DSTYK: variants seen among roughly 807,000 people sequenced by gnomAD.
DSTYK encodes the protein RIP-homologous kinase.
In DSTYK, 34 loss-of-function variants were observed where a neutral mutation model predicts 98.7. That is an observed-to-expected ratio of 0.34 (90% CI 0.26 to 0.46). The LOEUF is 0.46. DSTYK is among the 20% of genes least tolerant of loss of function. The pLI is 1.00. For missense variants in DSTYK, 962 were observed against 1,181.7 expected, an observed-to-expected ratio of 0.81 and a Z score of 2.73; for synonymous variants, 462 against 457.3, an observed-to-expected ratio of 1.01 and a Z score of -0.13.
At chr1:205,195,107 G>T (rs1372504323) in intron 1 of DSTYK, among the ~76,000 whole-genome samples, 2 of 141,214 alleles carry the variant, frequency 1.4e-5, no homozygotes, top group African/African-American at 4.9e-5. Context: ...GATTACAGGT[G>T]TGAGCCACCA....
intron 2 of DSTYK, among the ~76,000 whole-genome samples, chr1:205,185,793 G>A (rs1487529458): frequency 6.6e-6 from 1 of 152,186 alleles, no homozygotes; most frequent in Non-Finnish European, 1.5e-5. Context: ...GGAGGTTGAG[G>A]TGGGTGGATC....
intron 2 of DSTYK, among the ~76,000 whole-genome samples, chr1:205,182,649 T>C (rs1327405891): frequency 1.3e-5 from 2 of 149,638 alleles, no homozygotes; most frequent in Non-Finnish European, 3.0e-5. Flanking sequence ...CTACCAAAAG[T>C]ACAAAAATTA....
At chr1:205,161,429 A>G in intron 6 of DSTYK, 42 bp from the exon 7 acceptor site, 1 of 1,605,452 alleles carries the variant, frequency 6.2e-7, no homozygotes, top group Non-Finnish European at 8.5e-7. Context: ...TTAAGTCCCT[A>G]GCTTCAGCTT....
intron 1 of DSTYK, among the ~76,000 whole-genome samples, chr1:205,190,759 C>G (rs1319580093): frequency 1.3e-5 from 2 of 152,108 alleles, no homozygotes; most frequent in Non-Finnish European, 2.9e-5. Flanking sequence ...TTCTTCTATT[C>G]CCTGTCCTCC....
rs1460705314 is a variant in DSTYK at position 205,211,683 on chromosome 1, C to A, written c.-148G>T. 1.6e-5 allele frequency: 18 copies of A among 1,136,900 alleles called. No homozygotes were observed. Among genetic ancestry groups the A allele is most frequent in the Non-Finnish European group, 1.1e-5 (9 of 847,278 alleles). The allele number at this position is 1,136,900 out of a possible 1,614,324, so 70.4% of individuals were successfully genotyped here. On this transcript the variant is annotated 5_prime_UTR_variant, in exon 1 of 13. Coordinates refer to ENST00000367162, the MANE Select transcript of DSTYK (RefSeq NM_015375.3). Reference sequence around the variant, plus strand: ...CCTGGCTCCCAACCTCCGTCACTGCCGTTGCAAACAAACCAAACCGCAGTG... The same window carrying A: ...CCTGGCTCCCAACCTCCGTCACTGCAGTTGCAAACAAACCAAACCGCAGTG...
At position 205,144,291 on chromosome 1, in the gene DSTYK, CA is replaced by C. The variant is rs1657156884; in HGVS notation, c.*3266del. The C allele has an allele frequency of 6.6e-6, 1 of 152,558 alleles. No individual in the cohort carries two copies. The highest frequency in any genetic ancestry group is 2.1e-4 in the South Asian group (1 of 4,834). The allele number at this position is 152,558 out of a possible 1,614,324, so 9.5% of individuals were successfully genotyped here. A position where few individuals can be genotyped will look rare whatever the true frequency, so the allele number is the denominator to read the frequency against. On this transcript the variant is annotated 3_prime_UTR_variant, in exon 13 of 13. Coordinates refer to ENST00000367162, the MANE Select transcript of DSTYK (RefSeq NM_015375.3). ...TTATGTTGATTAGAAGGACAGACCA[CA>C]ATAAGGGTCATTCTTTCATGCCATC...
intron 2 of DSTYK, among the ~76,000 whole-genome samples, chr1:205,176,038 C>T (rs1344010282): frequency 2.6e-5 from 4 of 152,172 alleles, no homozygotes; most frequent in African/African-American, 9.7e-5. Flanking sequence ...AAAAGAATCT[C>T]AAGGAATCAT....
At chr1:205,179,699 T>C (rs1658340936) in intron 2 of DSTYK, among the ~76,000 whole-genome samples, 1 of 151,598 alleles carries the variant, frequency 6.6e-6, no homozygotes, top group African/African-American at 2.4e-5. Flanking sequence ...TTAAGAAGTA[T>C]ATGCTGGTTA....
chr1:205,184,215 T>C (rs1284594718), intron 2 of DSTYK, among the ~76,000 whole-genome samples: 1 of 151,906 alleles, frequency 6.6e-6, no homozygotes, highest in Non-Finnish European at 1.5e-5. Context: ...ACTTTCCTTT[T>C]TGTGACTTTC....
Position 205,211,543 on chromosome 1 carries a change from G to A in DSTYK, c.-8C>T, listed in dbSNP as rs903196868. ...CACCCCGTCGCCCTCCATCGCCTCT[G>A]CCCGCTCTGTCTTTGCGGCTCGGTC... On this transcript the variant is annotated 5_prime_UTR_variant, in exon 1 of 13. Transcript: ENST00000367162. 2.0e-6 allele frequency: 3 copies of A among 1,509,790 alleles called. No homozygotes were observed. The highest frequency in any genetic ancestry group is 2.5e-5 in the East Asian group (1 of 39,590). 93.5% of individuals were successfully genotyped at this position (1,509,790 alleles called of 1,614,324 possible).
intron 1 of DSTYK, among the ~76,000 whole-genome samples, chr1:205,209,635 AGTTTT>A (rs1233663127): frequency 8.6e-5 from 5 of 58,254 alleles, no homozygotes; most frequent in Admixed American, 2.2e-4. Context: ...GGGGATGACT[AGTTTT>A]TCTGAAACTA....
chr1:205,194,383 AAAGTT>A (rs1658800671), intron 1 of DSTYK, among the ~76,000 whole-genome samples: 1 of 152,160 alleles, frequency 6.6e-6, no homozygotes, highest in Non-Finnish European at 1.5e-5. Context: ...AGGCACTACA[AAAGTT>A]GGTGAAATAG....
Position 205,211,423 on chromosome 1 carries a change from A to AGGTAGCGGC in DSTYK, c.104_112dup (p.Arg35_Tyr37dup), listed in dbSNP as rs1240499609. 2.5e-6 allele frequency: 4 copies of AGGTAGCGGC among 1,608,946 alleles called. No individual in the cohort carries two copies. The highest frequency in any genetic ancestry group is 3.4e-6 in the Non-Finnish European group (4 of 1,178,952). On this transcript the variant is annotated inframe_insertion, in exon 1 of 13. Transcript: ENST00000367162. ...GCGCAGGTTCTGTCGCAGCCGTCCC[A>AGGTAGCGGC]GGTAGCGGCGGTAGCGGCCGAAGCC...
rs67001092 is a variant in DSTYK at position 205,150,434 on chromosome 1, GC to G, written c.2467+245del. Among the ~76,000 whole-genome samples the G allele has an allele frequency of 0.19, 28,511 of 151,952 alleles. 3,451 individuals are homozygous for G. Among genetic ancestry groups the G allele is most frequent in the East Asian group, 0.51 (2,629 of 5,132 alleles). ...ATGATTAAATAATTGGCTGATTATG[GC>G]AGTTATGGCACTAATAACCGAGAGA... On this transcript the variant is annotated intron_variant, in intron 11 of 12. Coordinates refer to ENST00000367162, the MANE Select transcript of DSTYK (RefSeq NM_015375.3). The surrounding 1 kb of genome is among the most constrained non-coding windows in gnomAD (Gnocchi z 4.1).
At chr1:205,158,871 G>A (rs1414710825) in intron 9 of DSTYK, among the ~76,000 whole-genome samples, 1 of 152,114 alleles carries the variant, frequency 6.6e-6, no homozygotes, top group African/African-American at 2.4e-5. Flanking sequence ...GCTGGACCTT[G>A]TACAAAGCAG....
chr1:205,163,146 T>C (rs1657782405), intron 4 of DSTYK, 140 bp from the exon 5 acceptor site: 1 of 681,426 alleles, frequency 1.5e-6, no homozygotes, highest in South Asian at 1.7e-5. Flanking sequence ...CAGAGTCAAC[T>C]TAAGCTGATT....
intron 10 of DSTYK, among the ~76,000 whole-genome samples, chr1:205,156,205 C>T (rs1346905991): frequency 2.0e-5 from 3 of 152,210 alleles, no homozygotes; most frequent in Admixed American, 2.0e-4. Flanking sequence ...TTGGAGCCCC[C>T]ACAGAAAGTC....
At position 205,169,078 on chromosome 1, in the gene DSTYK, A is replaced by G. The variant is rs1657972344; in HGVS notation, c.1324+85T>C. Reference sequence around the variant, plus strand: ...GTTACCCTGAGATTCCTTTAACCTTAGGAATTAACGTTCTTAATTTCCGGC... The same window carrying G: ...GTTACCCTGAGATTCCTTTAACCTTGGGAATTAACGTTCTTAATTTCCGGC... On this transcript the variant is annotated intron_variant, in intron 3 of 12. Transcript: ENST00000367162. The surrounding 1 kb of genome is among the most constrained non-coding windows in gnomAD (Gnocchi z 4.0). The G allele has an allele frequency of 8.4e-7, 1 of 1,196,680 alleles. No homozygotes were observed. Among genetic ancestry groups the G allele is most frequent in the Admixed American group, 2.3e-5 (1 of 43,640 alleles). The allele number at this position is 1,196,680 out of a possible 1,614,324, so 74.1% of individuals were successfully genotyped here.
In DSTYK at chr1:205,156,498, A is replaced by G. The variant is rs151102893; in HGVS notation, c.2352+775T>C. ...AACTGCAGGGTTTAATGACTGCCCT[A>G]TTGGATTTCAGACTTGCATGGGCCC... On this transcript the variant is annotated intron_variant, in intron 10 of 12. Transcript: ENST00000367162. Among the ~76,000 whole-genome samples, 534 of 152,218 alleles carry G rather than the reference A, an allele frequency of 3.5e-3. 7 individuals carry two copies. Among genetic ancestry groups the G allele is most frequent in the South Asian group, 9.8e-3 (47 of 4,816 alleles).
Sources: gnomAD v4.1 joint callset for allele counts (sites outside exome capture counted in the v4.1 genomes callset) on GRCh38, gnomAD v4.1.1 for gene constraint, Gnocchi (gnomAD v3.1) non-coding constraint, MANE v1.5 for transcripts, NCBI Gene and HGNC (gene_info 2026-07-23, HGNC 2026-07-21) for gene names.